The following MACROD2 variants were observed in gnomAD, a reference collection of about 807,000 sequenced individuals.
MACROD2 encodes mono-ADP ribosylhydrolase 2, also known as ADP-ribose glycohydrolase MACROD2.
A neutral mutation model predicts 70.4 loss-of-function variants in MACROD2; 36 were observed. That is an observed-to-expected ratio of 0.51 (90% confidence interval 0.39 to 0.68). The LOEUF (loss-of-function observed/expected upper bound fraction) is 0.68. MACROD2 is among the 30% of genes least tolerant of loss of function. MACROD2 has a pLI of 0.00. For missense variants in MACROD2, 496 were observed against 538.4 expected, an observed-to-expected ratio of 0.92 and a Z score of 0.78; for synonymous variants, 172 against 178.8, an observed-to-expected ratio of 0.96 and a Z score of 0.30.
In MACROD2 at chr20:15,505,607, G is replaced by A. The variant is rs188801769; in HGVS notation, c.645+5760G>A. On this transcript the variant is annotated intron_variant, in intron 8 of 17. Transcript: ENST00000684519. ...TCCTTCCCGCTGCACTACTCCAAGG[G>A]AATTCCCTAATATCCTCCCTCCTAT... 3.5e-3 allele frequency among the ~76,000 whole-genome samples: 532 copies of A among 152,200 alleles called. 3 individuals carry two copies. The highest frequency in any genetic ancestry group is 0.012 in the African/African-American group (501 of 41,532).
At chr20:15,938,156 A>G (rs1421975610) in intron 12 of MACROD2, among the ~76,000 whole-genome samples, 1 of 152,134 alleles carries the variant, frequency 6.6e-6, no homozygotes, top group Non-Finnish European at 1.5e-5. Flanking sequence ...GGATGCTACA[A>G]TTAAAAAAAT....
chr20:14,786,200 A>AAGAAAGAGAGAGAG (rs1219384490), intron 5 of MACROD2, among the ~76,000 whole-genome samples: 1 of 66,206 alleles, frequency 1.5e-5, no homozygotes, highest in South Asian at 3.7e-4. Context: ...CACTCAGAGA[A>AAGAAAGAGAGAGAG]AGATAGAGAG....
chr20:15,229,546 C>A (rs2076941720), intron 5 of MACROD2, among the ~76,000 whole-genome samples: 2 of 152,116 alleles, frequency 1.3e-5, no homozygotes, highest in Admixed American at 1.3e-4. Context: ...CTGGCTCTTC[C>A]CGTGCCAATC....
In MACROD2 at chr20:14,132,499, A is replaced by G. The variant is rs116940318; in HGVS notation, c.271+46771A>G. ...ACTTTACAAGACCTTTTGTTTCTCA[A>G]ATATACATATAAACAGCAACACATT... On this transcript the variant is annotated intron_variant, in intron 3 of 17. Coordinates refer to ENST00000684519, the MANE Select transcript of MACROD2 (RefSeq NM_001351661.2). 3.9e-4 allele frequency among the ~76,000 whole-genome samples: 59 copies of G among 152,322 alleles called. No individual in the cohort carries two copies. In the East Asian group the frequency reaches 9.6e-3, roughly 25 times the overall value.
chr20:15,678,601 C>T (rs570728203), intron 8 of MACROD2, among the ~76,000 whole-genome samples: 41 of 152,070 alleles, frequency 2.7e-4, no homozygotes, highest in South Asian at 1.0e-3. Context: ...CCTCGTGATC[C>T]GCCTGGCAAG....
At chr20:14,012,055 T>A (rs752097328) in intron 2 of MACROD2, among the ~76,000 whole-genome samples, 1 of 152,036 alleles carries the variant, frequency 6.6e-6, no homozygotes, top group Non-Finnish European at 1.5e-5. Context: ...GTTATAGGCA[T>A]GTACCCCCGC....
chr20:15,592,616 A>G (rs1051881897), intron 8 of MACROD2, among the ~76,000 whole-genome samples: 12 of 152,218 alleles, frequency 7.9e-5, no homozygotes, highest in African/African-American at 2.9e-4. Flanking sequence ...AATGACTTCT[A>G]CAGGTGGTGT....
chr20:15,526,358 G>A (rs962556907), intron 8 of MACROD2, among the ~76,000 whole-genome samples: 1 of 152,134 alleles, frequency 6.6e-6, no homozygotes, highest in African/African-American at 2.4e-5. Flanking sequence ...AATAGTTCAG[G>A]TATAACATAA....
chr20:14,112,312 G>A (rs949647340), intron 3 of MACROD2, among the ~76,000 whole-genome samples: 1 of 151,948 alleles, frequency 6.6e-6, no homozygotes, highest in Admixed American at 6.6e-5. Context: ...GCACAACAGA[G>A]TGACTATAGT....
At chr20:15,531,527 G>A (rs1288084841) in intron 8 of MACROD2, among the ~76,000 whole-genome samples, 1 of 152,046 alleles carries the variant, frequency 6.6e-6, no homozygotes, top group Non-Finnish European at 1.5e-5. Flanking sequence ...ATGAAGTACT[G>A]AAATAGAATA....
intron 5 of MACROD2, among the ~76,000 whole-genome samples, chr20:15,181,032 G>A (rs998402127): frequency 1.3e-5 from 2 of 152,166 alleles, no homozygotes; most frequent in African/African-American, 4.8e-5. Context: ...CATTTGGGCT[G>A]TTTTTCATTA....
At chr20:14,889,308 T>C (rs779613020) in intron 5 of MACROD2, among the ~76,000 whole-genome samples, 76 of 152,214 alleles carry the variant, frequency 5.0e-4, no homozygotes, top group Non-Finnish European at 9.9e-4. Context: ...GAAACTTATA[T>C]TTTAGCAGGG....
At chr20:15,056,746 C>T (rs1476593097) in intron 5 of MACROD2, among the ~76,000 whole-genome samples, 1 of 152,004 alleles carries the variant, frequency 6.6e-6, no homozygotes, top group African/African-American at 2.4e-5. Context: ...ACTAAAATAA[C>T]CTGTGAAGAG....
chr20:16,039,311 G>A (rs141524997), intron 15 of MACROD2, among the ~76,000 whole-genome samples: 92 of 151,990 alleles, frequency 6.1e-4, no homozygotes, highest in Non-Finnish European at 1.0e-3. Flanking sequence ...TGTTAGCAAA[G>A]TAAATTACCT....
At chr20:14,039,747 A>T (rs2053364707) in intron 2 of MACROD2, among the ~76,000 whole-genome samples, 1 of 151,698 alleles carries the variant, frequency 6.6e-6, no homozygotes, top group South Asian at 2.1e-4. Flanking sequence ...AGTGATATTG[A>T]TATAATTGTC....
At chr20:15,095,861 TTGTGTGTGTGTGTGTGTGTGTG>T (rs11468899) in intron 5 of MACROD2, among the ~76,000 whole-genome samples, 1 of 148,474 alleles carries the variant, frequency 6.7e-6, no homozygotes, top group Admixed American at 6.7e-5. Context: ...ACCATGTTGT[TTGTGTGTGTGTGTGTGTGTGTG>T]TGTGTGTGTC....
intron 3 of MACROD2, among the ~76,000 whole-genome samples, chr20:14,090,699 A>G (rs1018296602): frequency 2.6e-5 from 4 of 152,194 alleles, no homozygotes; most frequent in Admixed American, 6.5e-5. Context: ...CTAAAAATAC[A>G]TAATCAATAA....
chr20:14,446,856 T>C (rs1032421377), intron 3 of MACROD2, among the ~76,000 whole-genome samples: 12 of 152,092 alleles, frequency 7.9e-5, no homozygotes, highest in African/African-American at 2.7e-4. Context: ...TAAACTATTA[T>C]AATATCACCT....
intron 5 of MACROD2, among the ~76,000 whole-genome samples, chr20:14,907,548 G>A (rs1400555872): frequency 6.6e-6 from 1 of 152,114 alleles, no homozygotes; most frequent in African/African-American, 2.4e-5. Context: ...TCAATGAGAA[G>A]GCAATTCACA....
Sources: allele counts gnomAD v4.1 joint callset (sites outside exome capture counted in the v4.1 genomes callset), GRCh38; gene constraint gnomAD v4.1.1; transcripts MANE v1.5; gene names NCBI Gene and HGNC (gene_info 2026-07-23, HGNC 2026-07-21).